MALT1: variants seen among roughly 807,000 people sequenced by gnomAD.
MALT1 encodes the protein MALT1 paracaspase.
In MALT1, 36 loss-of-function variants were observed where a neutral mutation model predicts 85.5. That is an observed-to-expected ratio of 0.42 (90% confidence interval 0.32 to 0.56). The LOEUF (loss-of-function observed/expected upper bound fraction) is 0.56. MALT1 is among the 20% of genes least tolerant of loss of function. The pLI is 0.10. For missense variants in MALT1, 716 were observed against 981.6 expected, an observed-to-expected ratio of 0.73 and a Z score of 3.62; for synonymous variants, 359 against 361.3, an observed-to-expected ratio of 0.99 and a Z score of 0.07.
At chr18:58,708,173 A>G (rs2054783786) in intron 4 of MALT1, among the ~76,000 whole-genome samples, 1 of 152,130 alleles carries the variant, frequency 6.6e-6, no homozygotes, top group African/African-American at 2.4e-5. Flanking sequence ...TCAGCCTTCA[A>G]CAGGCCCTGT....
Position 58,733,436 on chromosome 18 carries a change from G to A in MALT1, c.1262G>A (p.Gly421Glu). The change falls in exon 11 of 17, where the codon GGG (glycine) becomes GAG (glutamate). Residue 421 changes from glycine to glutamate, a missense_variant. By Grantham distance (98) the Gly-to-Glu change is moderately conservative. This residue lies in a region of MALT1 where 86 missense variants were observed against 212.3 expected (regional missense o/e 0.41). Coordinates refer to ENST00000649217, the MANE Select transcript of MALT1 (RefSeq NM_006785.4). ...YYAGHGYENF[G>E]NSFMVPVDAP... ...GCAGGACATGGTTATGAAAATTTTG[G>A]GAACAGCTTCATGGTCCCCGTTGAT... 2 of 1,612,326 alleles carry A rather than the reference G, an allele frequency of 1.2e-6. No homozygotes were observed.
intron 2 of MALT1, chr18:58,690,231 T>C (rs1355395216): frequency 6.6e-6 from 1 of 152,336 alleles, no homozygotes; most frequent in Non-Finnish European, 1.5e-5. Context: ...TGATCTGTGA[T>C]CGGTGATCTT....
chr18:58,683,176 TTCTCATACCTAGTAAAG>T (rs1293161302), intron 2 of MALT1, among the ~76,000 whole-genome samples: 1 of 152,190 alleles, frequency 6.6e-6, no homozygotes, highest in African/African-American at 2.4e-5. Context: ...AAAGTCCAAG[TTCTCATACCTAGTAAAG>T]TCTCATACCT....
chr18:58,721,607 T>G (rs889755776), intron 9 of MALT1, among the ~76,000 whole-genome samples: 1 of 152,204 alleles, frequency 6.6e-6, no homozygotes, highest in Non-Finnish European at 1.5e-5. Context: ...AGTAGAGTTT[T>G]TTTTATCCTT....
intron 11 of MALT1, chr18:58,733,932 G>T: frequency 8.7e-7 from 1 of 1,153,632 alleles, no homozygotes; most frequent in Non-Finnish European, 1.1e-6. Flanking sequence ...TCACTAGTCA[G>T]TCCTGGTCTT....
At position 58,747,575 on chromosome 18, in the gene MALT1, T is replaced by G. The variant is rs752025790; in HGVS notation, c.2208T>G (p.Pro736=). Reference sequence around the variant, plus strand: ...AAACTTGTCTTATGTCTAATGGTCCTTACCAGAGTTCTGCAGCCACCTCAG... The same window carrying G: ...AAACTTGTCTTATGTCTAATGGTCCGTACCAGAGTTCTGCAGCCACCTCAG... ...CFQTCLMSNG[P]YQSSAATSGG... Residue 736 remains proline, a synonymous_variant, in exon 17 of 17, where the codon CCT becomes CCG. Coordinates refer to ENST00000649217, the MANE Select transcript of MALT1 (RefSeq NM_006785.4). 8.1e-6 allele frequency: 13 copies of G among 1,614,074 alleles called. No homozygotes were observed. The highest frequency in any genetic ancestry group is 6.7e-5 in the Admixed American group (4 of 59,992).
intron 2 of MALT1, among the ~76,000 whole-genome samples, chr18:58,684,327 T>C (rs1050655715): frequency 1.3e-5 from 2 of 152,222 alleles, no homozygotes; most frequent in Non-Finnish European, 2.9e-5. Flanking sequence ...ATGTTAGTTA[T>C]TGATTTAACA....
intron 10 of MALT1, among the ~76,000 whole-genome samples, chr18:58,728,213 T>C (rs1458028242): frequency 6.6e-6 from 1 of 152,244 alleles, no homozygotes; most frequent in African/African-American, 2.4e-5. Flanking sequence ...TTCTTTGACA[T>C]TTGTTTAAAA....
At chr18:58,706,901 T>G (rs923879318) in intron 4 of MALT1, among the ~76,000 whole-genome samples, 5 of 152,222 alleles carry the variant, frequency 3.3e-5, no homozygotes, top group African/African-American at 1.2e-4. Flanking sequence ...AAGTTATCTT[T>G]CATCGATTTT....
chr18:58,706,407 G>A (rs1407216099), intron 4 of MALT1, among the ~76,000 whole-genome samples: 3 of 152,050 alleles, frequency 2.0e-5, no homozygotes, highest in South Asian at 2.1e-4. Context: ...CACCTGCCTC[G>A]GCCTCCCAAA....
rs1281712142 is a variant in MALT1, at chr18:58,747,387, GA to G, written c.2038-17del. ...CACTGTTGATGCCAATAATAAACCA[GA>G]TTTTTTTCCTTTTCAGGAACATCTA... is the stretch of plus-strand genomic sequence containing the variant. On this transcript the variant is annotated splice_polypyrimidine_tract_variant and intron_variant, in intron 16 of 16. Coordinates refer to ENST00000649217, the MANE Select transcript of MALT1 (RefSeq NM_006785.4). 2.6e-6 allele frequency: 4 copies of G among 1,558,374 alleles called. No homozygotes were observed. The highest frequency in any genetic ancestry group is 3.5e-6 in the Non-Finnish European group (4 of 1,138,328).
chr18:58,723,193 A>G lies in MALT1; in HGVS notation c.1164A>G (p.Glu388=), dbSNP rs200254991. The G allele has an allele frequency of 1.7e-5, 28 of 1,614,104 alleles. No individual in the cohort carries two copies. In the East Asian group the frequency reaches 5.8e-4, roughly 33 times the overall value. The change falls in exon 10 of 17, where the codon GAA becomes GAG. Residue 388 remains glutamate (E), a synonymous_variant. Transcript: ENST00000649217. ...TGGTTTCACTGTTGGATCTTACTGA[A>G]TATGAGATGCGTAATGCTGTGGATG... ...FKVVSLLDLT[E]YEMRNAVDEF...
chr18:58,741,334 C>T (rs2144483700), intron 13 of MALT1: 1 of 151,980 alleles, frequency 6.6e-6, no homozygotes, highest in Non-Finnish European at 1.5e-5. Context: ...ATCTTTTCTT[C>T]TCTAACAAAT....
chr18:58,729,382 G>T (rs989983648), intron 10 of MALT1, among the ~76,000 whole-genome samples: 2 of 151,734 alleles, frequency 1.3e-5, no homozygotes, highest in South Asian at 2.1e-4. Context: ...CCAGCTACCC[G>T]GGAGGCTGAG....
At chr18:58,734,697 T>G in intron 12 of MALT1, 1 of 267,934 alleles carries the variant, frequency 3.7e-6, no homozygotes, top group Non-Finnish European at 7.1e-6. Flanking sequence ...ATGATCGACT[T>G]TAGCATTCCA....
Position 58,713,093 on chromosome 18 carries a change from T to TA in MALT1, c.959-989dup, listed in dbSNP as rs145017013. Among the ~76,000 whole-genome samples, 1,222 of 152,176 alleles carry TA rather than the reference T, an allele frequency of 8.0e-3. 25 individuals are homozygous for TA. Among genetic ancestry groups the TA allele is most frequent in the African/African-American group, 0.028 (1,182 of 41,532 alleles). On this transcript the variant is annotated intron_variant, in intron 7 of 16. Transcript: ENST00000649217. ...GTAACTGGGAATGAGTTGAGCCTAA[T>TA]ACTGAAGGCAAAAAAAATTGCACAT... is the stretch of plus-strand genomic sequence containing the variant.
At chr18:58,710,159 T>A in intron 6 of MALT1, 87 bp downstream of exon 6, 1 of 745,962 alleles carries the variant, frequency 1.3e-6, no homozygotes, top group Non-Finnish European at 2.3e-6. Flanking sequence ...AAGGAAATTA[T>A]ACTTTTTACC....
chr18:58,734,344 C>G lies in MALT1; in HGVS notation c.1438C>G (p.Leu480Val). ...YDDTIPILDA[L>V]KVTANIVFGY... is the part of the protein sequence containing the mutation. ...TGATACCATTCCAATCTTGGATGCA[C>G]TAAAAGTCACCGCCAATATTGTGTT... Residue 480 changes from leucine to valine, a missense_variant, in exon 12 of 17, where the codon CTA becomes GTA. Physicochemically the swap from Leu to Val is conservative, Grantham distance 32. Transcript: ENST00000649217. 6.2e-7 allele frequency: 1 copy of G among 1,613,870 alleles called. No individual in the cohort carries two copies. Among genetic ancestry groups the G allele is most frequent in the Non-Finnish European group, 8.5e-7 (1 of 1,179,744 alleles).
At chr18:58,745,523 C>CTGGATAAT in intron 15 of MALT1, 143 bp from the exon 16 acceptor site, 1 of 621,334 alleles carries the variant, frequency 1.6e-6, no homozygotes, top group Non-Finnish European at 2.8e-6. Flanking sequence ...TTGTTTAGTC[C>CTGGATAAT]TGGATAATTT....
Sources: allele counts gnomAD v4.1 joint callset (sites outside exome capture counted in the v4.1 genomes callset), GRCh38; gene constraint gnomAD v4.1.1; regional missense constraint gnomAD v4.1.1; transcripts MANE v1.5; gene names NCBI Gene and HGNC (gene_info 2026-07-23, HGNC 2026-07-21).